Variants in DPP6 observed in about 807,000 individuals in gnomAD.
DPP6 encodes the protein A-type potassium channel modulatory protein DPP6.
In DPP6, 69 loss-of-function variants were observed where a neutral mutation model predicts 122.6. The observed-to-expected ratio is 0.56, with a 90% CI of 0.46 to 0.69. The LOEUF (loss-of-function observed/expected upper bound fraction) is 0.69. Ranked by LOEUF, DPP6 falls within the 30% of genes least tolerant of loss-of-function variation. The probability of loss-of-function intolerance (pLI) is 0.00; values close to 1 mark genes in which losing one functional copy is unlikely to be tolerated. For missense variants in DPP6, 928 were observed against 1,116.9 expected (o/e 0.83, Z 2.41); for synonymous variants, 418 against 433.1 (o/e 0.97, Z 0.43).
At chr7:154,807,678 C>T (rs188594409) in intron 16 of DPP6, among the ~76,000 whole-genome samples, 14 of 152,014 alleles carry the variant, frequency 9.2e-5, no homozygotes, top group African/African-American at 2.9e-4. Flanking sequence ...AAAAATTAGC[C>T]GGGCCTGGTG....
intron 1 of DPP6, among the ~76,000 whole-genome samples, chr7:154,434,291 CA>C (rs1818682307): frequency 6.6e-6 from 1 of 152,130 alleles, no homozygotes; most frequent in Non-Finnish European, 1.5e-5. Flanking sequence ...GTAAAACAAA[CA>C]AAAAGCCACC....
the DPP6 span, among the ~76,000 whole-genome samples, chr7:153,827,004 T>TAAC: frequency 0.89 from 134,656 of 151,876 alleles, 59,842 homozygotes; most frequent in African/African-American, 0.94. Context: ...TCATTAAAAT[T>TAAC]AACCTTTATG....
At chr7:154,023,671 A>G (rs1416670593) in intron 1 of DPP6, among the ~76,000 whole-genome samples, 1 of 151,888 alleles carries the variant, frequency 6.6e-6, no homozygotes, top group East Asian at 1.9e-4. Context: ...TAATACAGAC[A>G]GGGTTTCACC....
At chr7:154,236,389 T>A (rs1801213880) in intron 1 of DPP6, among the ~76,000 whole-genome samples, 1 of 152,176 alleles carries the variant, frequency 6.6e-6, no homozygotes, top group African/African-American at 2.4e-5. Flanking sequence ...CACTTCAATT[T>A]ATTACGAACC....
At chr7:154,561,933 A>G (rs996669013) in intron 4 of DPP6, among the ~76,000 whole-genome samples, 1 of 152,170 alleles carries the variant, frequency 6.6e-6, no homozygotes, top group African/African-American at 2.4e-5. Context: ...GGTGTAATAA[A>G]TTGAATTCGT....
chr7:154,772,962 G>C lies in DPP6; in HGVS notation c.1136+20G>C. 4 of 1,368,938 alleles carry C rather than the reference G, an allele frequency of 2.9e-6. No individual in the cohort carries two copies. The highest frequency in any genetic ancestry group is 1.7e-5 in the South Asian group (1 of 57,752). 84.8% of individuals were successfully genotyped at this position (1,368,938 alleles called of 1,614,324 possible). A position where few individuals can be genotyped will look rare whatever the true frequency, so the allele number is the denominator to read the frequency against. On this transcript the variant is annotated intron_variant, in intron 10 of 25. Transcript: ENST00000377770. ...GATGAGGTTTGCTTCCTTCTATTAT[G>C]TTACCAAAAAAAAAAAAAAACTAAG...
intron 6 of DPP6, among the ~76,000 whole-genome samples, chr7:154,661,961 T>C: frequency 6.7e-6 from 1 of 150,014 alleles, no homozygotes; most frequent in African/African-American, 2.5e-5. Context: ...CATATAGTCA[T>C]GGTGAATCAG....
Position 154,820,331 on chromosome 7 carries a change from G to C in DPP6, c.1666+13219G>C, listed in dbSNP as rs1040203915. 3.3e-5 allele frequency among the ~76,000 whole-genome samples: 5 copies of C among 152,272 alleles called. No individual in the cohort carries two copies. In the South Asian group the frequency reaches 1.0e-3, roughly 32 times the overall value. ...AATATCCTCCGAGAGATTCCAGAAG[G>C]CGTCACCTTTACCACACAGAGCGGT... On this transcript the variant is annotated intron_variant, in intron 16 of 25. Transcript: ENST00000377770.
intron 1 of DPP6, among the ~76,000 whole-genome samples, chr7:154,178,761 T>G (rs1797933490): frequency 6.6e-6 from 1 of 152,150 alleles, no homozygotes; most frequent in Non-Finnish European, 1.5e-5. Context: ...CTTTTGCAGT[T>G]TACATGGAAG....
intron 1 of DPP6, among the ~76,000 whole-genome samples, chr7:154,357,946 C>CAAA (rs563436108): frequency 0.026 from 3,250 of 123,918 alleles, 83 homozygotes; most frequent in African/African-American, 0.063. Flanking sequence ...AACTTCGTCT[C>CAAA]AAAAAAAAAA....
At chr7:154,865,704 A>G (rs1309427030) in intron 17 of DPP6, among the ~76,000 whole-genome samples, 3 of 151,908 alleles carry the variant, frequency 2.0e-5, no homozygotes, top group East Asian at 3.9e-4. Flanking sequence ...AGTTTTTCCA[A>G]CTCTTACCGT....
chr7:154,784,647 G>GC (rs1007963122), intron 10 of DPP6, among the ~76,000 whole-genome samples: 23 of 152,152 alleles, frequency 1.5e-4, no homozygotes, highest in African/African-American at 5.3e-4. Context: ...CCTGTTCCGA[G>GC]TTTGTGAGGT....
intron 16 of DPP6, among the ~76,000 whole-genome samples, chr7:154,812,198 G>C (rs1001983926): frequency 6.6e-6 from 1 of 152,204 alleles, no homozygotes; most frequent in African/African-American, 2.4e-5. Flanking sequence ...TAGGACATAA[G>C]GGCTGGGTAT....
At chr7:153,915,185 G>A (rs761382070) in intron 1 of DPP6, among the ~76,000 whole-genome samples, 4 of 152,096 alleles carry the variant, frequency 2.6e-5, no homozygotes, top group South Asian at 2.1e-4. Flanking sequence ...AAATCCATCC[G>A]CCCAACAAAG....
chr7:154,537,923 T>C (rs1334368620), intron 3 of DPP6, among the ~76,000 whole-genome samples: 1 of 152,040 alleles, frequency 6.6e-6, no homozygotes, highest in Non-Finnish European at 1.5e-5. Context: ...ACTAGAATCG[T>C]GTACATCAGT....
chr7:153,786,974 T>A, the DPP6 span, among the ~76,000 whole-genome samples: 1 of 144,884 alleles, frequency 6.9e-6, no homozygotes, highest in Admixed American at 6.9e-5. Flanking sequence ...TTTTTTAATA[T>A]GGACTCTCGC....
intron 1 of DPP6, among the ~76,000 whole-genome samples, chr7:154,444,643 G>A (rs948892478): frequency 4.6e-5 from 7 of 152,176 alleles, no homozygotes; most frequent in Admixed American, 2.6e-4. Flanking sequence ...GTGAGAAATT[G>A]CGTGCACTAG....
rs201001951 is a variant in DPP6 at position 153,937,437 on chromosome 7, CTTTTTTTTTTTTTTT to C, written c.51+49720_51+49734del. 6.3e-3 allele frequency among the ~76,000 whole-genome samples: 722 copies of C among 115,464 alleles called. 4 individuals carry two copies. Among genetic ancestry groups the C allele is most frequent in the Middle Eastern group, 0.033 (7 of 214 alleles). 75.7% of individuals were successfully genotyped at this position (115,464 alleles called of 152,430 possible). On this transcript the variant is annotated intron_variant, in intron 1 of 25. Transcript: ENST00000404039. Reference sequence around the variant, plus strand: ...TGTTTTCTTCCCTCTTCAGAGCTAACTTTTTTTTTTTTTTTTTTTTTTTTTTTTTTTGAGACAGTC... The same window carrying C: ...TGTTTTCTTCCCTCTTCAGAGCTAACTTTTTTTTTTTTTTTTGAGACAGTC...
chr7:154,098,052 T>G (rs1805457873), intron 1 of DPP6, among the ~76,000 whole-genome samples: 1 of 152,134 alleles, frequency 6.6e-6, no homozygotes, highest in African/African-American at 2.4e-5. Flanking sequence ...ATTGATATGG[T>G]TCTGCTGTGT....
Sources: gnomAD v4.1 joint callset for allele counts (sites outside exome capture counted in the v4.1 genomes callset) on GRCh38, gnomAD v4.1.1 for gene constraint, MANE v1.5 for transcripts, NCBI Gene and HGNC (gene_info 2026-07-23, HGNC 2026-07-21) for gene names.